Variants in MORN1 observed in about 807,000 individuals in gnomAD.
MORN1 encodes the protein MORN repeat-containing protein 1.
In MORN1, 67 loss-of-function variants were observed where a neutral mutation model predicts 61.9. That is an observed-to-expected ratio of 1.08 (90% CI 0.89 to 1.33). The LOEUF is 1.33. Among genes scored for constraint, MORN1 ranks in the 40% most tolerant of loss-of-function variants. The probability of loss-of-function intolerance (pLI) is 0.00; values close to 1 mark genes in which losing one functional copy is unlikely to be tolerated. For missense variants in MORN1, 752 were observed against 691.2 expected, an observed-to-expected ratio of 1.09 and a Z score of -0.99; for synonymous variants, 301 against 292.0, an observed-to-expected ratio of 1.03 and a Z score of -0.31.
At chr1:2,343,380 G>A (rs931106387) in intron 10 of MORN1, among the ~76,000 whole-genome samples, 2 of 152,218 alleles carry the variant, frequency 1.3e-5, no homozygotes, top group African/African-American at 2.4e-5. Flanking sequence ...GAGCCGCCGG[G>A]CCCTGGGGAT....
Position 2,337,194 on chromosome 1 carries a change from G to A in MORN1, c.1037-344C>T, listed in dbSNP as rs368620018. Among the ~76,000 whole-genome samples, 1 of 152,350 alleles carries A rather than the reference G, an allele frequency of 6.6e-6. No individual in the cohort carries two copies. Among genetic ancestry groups the A allele is most frequent in the East Asian group, 1.9e-4 (1 of 5,180 alleles). The stretch of plus-strand genomic sequence containing the variant: ...AGGCACTCGCTTCCAGGGTAGGGCC[G>A]GGACCGGGGCCCTGGCCGGAGAGGC... On this transcript the variant is annotated intron_variant, in intron 10 of 13. Coordinates refer to ENST00000378531, the MANE Select transcript of MORN1 (RefSeq NM_024848.3). The surrounding 1 kb of genome is among the most constrained non-coding windows in gnomAD (Gnocchi z 5.7).
chr1:2,390,161 C>T (rs981834827), intron 1 of MORN1, among the ~76,000 whole-genome samples, 165 bp from the exon 2 acceptor site: 1 of 152,130 alleles, frequency 6.6e-6, no homozygotes, highest in Non-Finnish European at 1.5e-5. Flanking sequence ...GCTCTCCTGT[C>T]GACTGTTGGG....
intron 12 of MORN1, among the ~76,000 whole-genome samples, chr1:2,331,838 C>T (rs1469614684): frequency 3.0e-5 from 4 of 134,754 alleles, no homozygotes; most frequent in Non-Finnish European, 4.7e-5. Flanking sequence ...GCCTCTCCCT[C>T]GTGCGGCTCT....
At chr1:2,327,083 CAG>C (rs1417140812) in intron 12 of MORN1, among the ~76,000 whole-genome samples, 2 of 150,464 alleles carry the variant, frequency 1.3e-5, no homozygotes, top group Admixed American at 1.3e-4. Flanking sequence ...GAAACAAACA[CAG>C]AGACACAGAA....
intron 12 of MORN1, among the ~76,000 whole-genome samples, chr1:2,324,383 T>G (rs1488883725): frequency 6.6e-6 from 1 of 152,086 alleles, no homozygotes; most frequent in Non-Finnish European, 1.5e-5. Context: ...TTGTCTAAAT[T>G]CTTGATGTGC....
At chr1:2,327,513 C>G (rs1340306856) in intron 12 of MORN1, among the ~76,000 whole-genome samples, 1 of 152,096 alleles carries the variant, frequency 6.6e-6, no homozygotes, top group Non-Finnish European at 1.5e-5. Context: ...AACACAGAGA[C>G]ACAGACACAC....
Position 2,389,966 on chromosome 1 carries a change from A to G in MORN1, c.107T>C (p.Phe36Ser). 1 of 1,614,098 alleles carries G rather than the reference A, an allele frequency of 6.2e-7. No individual in the cohort carries two copies. The highest frequency in any genetic ancestry group is 8.5e-7 in the Non-Finnish European group (1 of 1,179,988). The change falls in exon 2 of 14, where the codon TTC (phenylalanine) becomes TCC (serine). Residue 36 changes from phenylalanine (F) to serine (S), a missense_variant. Phe to Ser is a radical substitution (Grantham distance 155). Coordinates refer to ENST00000378531, the MANE Select transcript of MORN1 (RefSeq NM_024848.3). ...TTTCCATTCTCCTTCATATCGAAAG[A>G]AGGAATTTGGGTATACGTAGACACC... Reference protein sequence around the residue: ...GYGVYVYPNSFFRYEGEWKAG... With the variant: ...GYGVYVYPNSSFRYEGEWKAG...
intron 8 of MORN1, among the ~76,000 whole-genome samples, chr1:2,361,997 G>C (rs945135003): frequency 6.6e-6 from 1 of 152,242 alleles, no homozygotes; most frequent in African/African-American, 2.4e-5. Flanking sequence ...ACCTTGGGAG[G>C]CTGAGGCAGG....
chr1:2,323,236 GCTA>G (rs1174528207), intron 13 of MORN1: 33 of 985,354 alleles, frequency 3.3e-5, no homozygotes, highest in Non-Finnish European at 4.0e-5. Context: ...GGCCTCACTG[GCTA>G]CAGCCCCGGC....
rs1641802798 is a variant in MORN1 at position 2,357,515 on chromosome 1, G to T, written c.953C>A (p.Ala318Asp). 3 of 1,612,792 alleles carry T rather than the reference G, an allele frequency of 1.9e-6. No homozygotes were observed. The highest frequency in any genetic ancestry group is 2.5e-6 in the Non-Finnish European group (3 of 1,179,690). Reference protein sequence around the residue: ...GPRAAKGGAEADVPLPRGDLE... With the variant: ...GPRAAKGGAEDDVPLPRGDLE... ...GTCTCCCCTGGGCAGGGGCACGTCG[G>T]CTTCTGCCCCTCCCTTGGCAGCTCT... is the stretch of plus-strand genomic sequence containing the variant. The change falls in exon 10 of 14, where the codon GCC (alanine) becomes GAC (aspartate). Residue 318 changes from alanine (A) to aspartate (D), a missense_variant. By Grantham distance (126) the Ala-to-Asp change is moderately radical. Transcript: ENST00000378531. The surrounding 1 kb of genome is among the most constrained non-coding windows in gnomAD (Gnocchi z 6.3).
chr1:2,379,610 C>T (rs570089231), intron 6 of MORN1, among the ~76,000 whole-genome samples: 3 of 152,070 alleles, frequency 2.0e-5, no homozygotes, highest in East Asian at 1.9e-4. Flanking sequence ...TGCCAAGAAG[C>T]GTCAAAGAGG....
chr1:2,389,790 G>C lies in MORN1; in HGVS notation c.148+135C>G. 3 of 772,838 alleles carry C rather than the reference G, an allele frequency of 3.9e-6. No individual in the cohort carries two copies. The South Asian group carries it at 4.8e-5, about 12-fold the overall frequency. 47.9% of individuals were successfully genotyped at this position (772,838 alleles called of 1,614,324 possible). A position where few individuals can be genotyped will look rare whatever the true frequency, so the allele number is the denominator to read the frequency against. ...TGCCCATCCAGCCTTACCCTGAGCA[G>C]CCAGGGAAGCACCAGGGTACAATGG... is the stretch of plus-strand genomic sequence containing the variant. On this transcript the variant is annotated intron_variant, in intron 2 of 13. Coordinates refer to ENST00000378531, the MANE Select transcript of MORN1 (RefSeq NM_024848.3).
intron 8 of MORN1, among the ~76,000 whole-genome samples, chr1:2,360,494 A>G (rs1028149283): frequency 1.3e-5 from 2 of 152,236 alleles, no homozygotes; most frequent in Admixed American, 6.5e-5. Context: ...GATGAGCTGC[A>G]GAGAGGGGAA....
chr1:2,345,087 G>A (rs184052726), intron 10 of MORN1, among the ~76,000 whole-genome samples: 9 of 152,014 alleles, frequency 5.9e-5, no homozygotes, highest in East Asian at 1.9e-4. Context: ...GGGTCCACGC[G>A]TGCTCACGCT....
At chr1:2,330,926 G>A (rs1231567145) in intron 12 of MORN1, among the ~76,000 whole-genome samples, 1 of 152,240 alleles carries the variant, frequency 6.6e-6, no homozygotes. Context: ...TTCTGCAGCT[G>A]ACATAATCTC....
intron 6 of MORN1, chr1:2,379,130 G>C (rs764225227): frequency 8.5e-6 from 4 of 471,200 alleles, no homozygotes; most frequent in South Asian, 6.2e-5. Flanking sequence ...AGGGAGAACA[G>C]GTCTCCCGGA....
intron 1 of MORN1, among the ~76,000 whole-genome samples, chr1:2,390,293 C>T (rs1642616652): frequency 1.3e-5 from 2 of 152,102 alleles, no homozygotes; most frequent in East Asian, 3.9e-4. Context: ...ACCAGAGGTG[C>T]TCGGGAGGTG....
chr1:2,382,439 G>T (rs962851178), intron 6 of MORN1, among the ~76,000 whole-genome samples: 2 of 152,204 alleles, frequency 1.3e-5, no homozygotes, highest in African/African-American at 4.8e-5. Context: ...CACCCAGGAA[G>T]TGAAACCACA....
chr1:2,353,017 G>A (rs1404207572), intron 10 of MORN1, among the ~76,000 whole-genome samples: 4 of 152,194 alleles, frequency 2.6e-5, no homozygotes, highest in African/African-American at 9.6e-5. Flanking sequence ...GCACAGAGGT[G>A]GAAACTTGAG....
Sources: allele counts gnomAD v4.1 joint callset (sites outside exome capture counted in the v4.1 genomes callset), GRCh38; gene constraint gnomAD v4.1.1; non-coding constraint Gnocchi (gnomAD v3.1); transcripts MANE v1.5; gene names NCBI Gene and HGNC (gene_info 2026-07-23, HGNC 2026-07-21).